The following LRRC32 variants were observed in gnomAD, a reference collection of about 807,000 sequenced individuals.
LRRC32 encodes the protein leucine rich repeat containing 32.
A neutral mutation model predicts 15.0 loss-of-function variants in LRRC32; 5 were observed. The observed-to-expected ratio is 0.33, with a 90% CI of 0.17 to 0.70. The LOEUF (loss-of-function observed/expected upper bound fraction) is 0.70. Ranked by LOEUF, LRRC32 falls within the 30% of genes least tolerant of loss-of-function variation. The pLI, the probability that LRRC32 is intolerant of heterozygous loss-of-function variation, is 0.66. For synonymous variants in LRRC32, 391 were observed against 403.9 expected, an observed-to-expected ratio of 0.97 and a Z score of 0.38; for missense variants, 803 against 854.2, an observed-to-expected ratio of 0.94 and a Z score of 0.75.
intron 2 of LRRC32, 98 bp downstream of exon 2, chr11:76,665,773 G>T: frequency 6.4e-7 from 1 of 1,561,368 alleles, no homozygotes; most frequent in Admixed American, 1.7e-5. Flanking sequence ...TTCCTCTCCT[G>T]ACTCTTCTAA....
chr11:76,661,214 T>C lies in LRRC32; in HGVS notation c.379A>G (p.Thr127Ala), dbSNP rs1307868779. 6.2e-7 allele frequency: 1 copy of C among 1,613,344 alleles called. No individual in the cohort carries two copies. The highest frequency in any genetic ancestry group is 2.2e-5 in the East Asian group (1 of 44,860). Residue 127 changes from threonine (T) to alanine (A), a missense_variant, in exon 3 of 3, where the codon ACC becomes GCC. Transcript: ENST00000260061. ...AGGLGPLPRV[T>A]SLDLSGNSLY... Reference sequence around the variant, plus strand: ...CTGTTCCCAGACAGGTCCAGGGAGGTCACGCGTGGCAGGGGGCCCAGGCCA... The same window carrying C: ...CTGTTCCCAGACAGGTCCAGGGAGGCCACGCGTGGCAGGGGGCCCAGGCCA...
intron 2 of LRRC32, chr11:76,663,139 G>C (rs1393470785): frequency 2.0e-5 from 3 of 152,258 alleles, no homozygotes; most frequent in Non-Finnish European, 2.9e-5. Flanking sequence ...ACAGGGACTG[G>C]TTTGGTGGAT....
chr11:76,658,126 A>G lies in LRRC32; in HGVS notation c.*1478T>C, dbSNP rs1952445041. 6.6e-6 allele frequency: 1 copy of G among 152,398 alleles called. No individual in the cohort carries two copies. Among genetic ancestry groups the G allele is most frequent in the Non-Finnish European group, 1.5e-5 (1 of 68,068 alleles). The allele number at this position is 152,398 out of a possible 1,614,324, so 9.4% of individuals were successfully genotyped here. ...ATTATCTTGTGATGTGATAGCTGAG[A>G]GAGGACATCACTCTGGTCCAACCCC... On this transcript the variant is annotated 3_prime_UTR_variant, in exon 3 of 3. Transcript: ENST00000260061.
rs201131944 is a variant in LRRC32 at position 76,661,252 on chromosome 11, G to A, written c.341C>T (p.Ala114Val). 6.5e-5 allele frequency: 105 copies of A among 1,613,928 alleles called. No individual in the cohort carries two copies. Among genetic ancestry groups the A allele is most frequent in the East Asian group, 4.0e-4 (18 of 44,886 alleles). The change falls in exon 3 of 3, where the codon GCG becomes GTG. Residue 114 changes from alanine to valine, a missense_variant. Coordinates refer to ENST00000260061, the MANE Select transcript of LRRC32 (RefSeq NM_001128922.2). ...GGGGCCCAGGCCACCAGCACTCAGCGCAGTGGCCATCGCCAGCCGGTTGTG... is the reference window on the plus strand; with the variant it reads ...GGGGCCCAGGCCACCAGCACTCAGCACAGTGGCCATCGCCAGCCGGTTGTG... Reference protein sequence around the residue: ...LAHNRLAMATALSAGGLGPLP... With the variant: ...LAHNRLAMATVLSAGGLGPLP...
intron 2 of LRRC32, among the ~76,000 whole-genome samples, chr11:76,664,898 G>A (rs1470809639): frequency 6.6e-6 from 1 of 152,250 alleles, no homozygotes; most frequent in African/African-American, 2.4e-5. Context: ...GGTGGCAACA[G>A]GAGACATTGC....
In LRRC32 at chr11:76,660,139, G is replaced by T; in HGVS notation, c.1454C>A (p.Ala485Asp). 6.2e-7 allele frequency: 1 copy of T among 1,606,336 alleles called. No individual in the cohort carries two copies. The highest frequency in any genetic ancestry group is 1.1e-5 in the South Asian group (1 of 90,126). The change falls in exon 3 of 3, where the codon GCC becomes GAC. Residue 485 changes from alanine to aspartate, a missense_variant. Ala to Asp is a moderately radical substitution (Grantham distance 126). Coordinates refer to ENST00000260061, the MANE Select transcript of LRRC32 (RefSeq NM_001128922.2). ...SNPGLEVATG[A>D]LGGLEASLEV... is the part of the protein sequence containing the mutation. ...CAAGGAGGCCTCCAGGCCTCCCAAG[G>T]CCCCCGTGGCCACCTCCAGCCCAGG...
intron 1 of LRRC32, among the ~76,000 whole-genome samples, chr11:76,669,189 T>C (rs1322319997): frequency 6.6e-6 from 1 of 152,182 alleles, no homozygotes; most frequent in Non-Finnish European, 1.5e-5. Flanking sequence ...GCATCCTCAC[T>C]GTCCTTCCCA....
chr11:76,662,775 C>T (rs924059558), intron 2 of LRRC32: 17 of 152,406 alleles, frequency 1.1e-4, no homozygotes, highest in African/African-American at 4.1e-4. Context: ...AAGCTCTACT[C>T]TGACAATGAG....
At chr11:76,666,958 C>T (rs1295800594) in intron 1 of LRRC32, among the ~76,000 whole-genome samples, 1 of 152,212 alleles carries the variant, frequency 6.6e-6, no homozygotes, top group Non-Finnish European at 1.5e-5. Flanking sequence ...CTTCCAAGAG[C>T]ACCAGGCGCA....
chr11:76,661,236 G>C lies in LRRC32; in HGVS notation c.357C>G (p.Gly119=), dbSNP rs149590197. Residue 119 remains glycine (G), a synonymous_variant, in exon 3 of 3, where the codon GGC becomes GGG. Transcript: ENST00000260061. ...LAMATALSAG[G]LGPLPRVTSL... ...AGGTCACGCGTGGCAGGGGGCCCAG[G>C]CCACCAGCACTCAGCGCAGTGGCCA... 6.2e-7 allele frequency: 1 copy of C among 1,613,914 alleles called. No homozygotes were observed. The highest frequency in any genetic ancestry group is 1.1e-5 in the South Asian group (1 of 91,070).
rs1285173455 is a variant in LRRC32 at position 76,661,470 on chromosome 11, G to C, written c.123C>G (p.Leu41=). 1.2e-6 allele frequency: 2 copies of C among 1,612,466 alleles called. No individual in the cohort carries two copies. Among genetic ancestry groups the C allele is most frequent in the African/African-American group, 2.7e-5 (2 of 74,926 alleles). The part of the protein sequence containing the change: ...KKVSCQVLGL[L]QVPSVLPPDT... The stretch of plus-strand genomic sequence containing the variant: ...CTGGCGGGAGCACCGAGGGGACCTG[G>C]AGCAGGCCCAGAACCTGGCACGAGA... Residue 41 remains leucine (L), a synonymous_variant, in exon 3 of 3, where the codon CTC becomes CTG. Coordinates refer to ENST00000260061, the MANE Select transcript of LRRC32 (RefSeq NM_001128922.2).
Position 76,661,278 on chromosome 11 carries a change from A to T in LRRC32, c.315T>A (p.Ala105=), listed in dbSNP as rs750145283. The T allele has an allele frequency of 6.2e-7, 1 of 1,614,076 alleles. No individual in the cohort carries two copies. Among genetic ancestry groups the T allele is most frequent in the Non-Finnish European group, 8.5e-7 (1 of 1,179,986 alleles). Residue 105 remains alanine, a synonymous_variant, in exon 3 of 3, where the codon GCT becomes GCA. Coordinates refer to ENST00000260061, the MANE Select transcript of LRRC32 (RefSeq NM_001128922.2). ...ALTHLEHLSL[A]HNRLAMATAL... is the part of the protein sequence containing the mutation. ...CAGTGGCCATCGCCAGCCGGTTGTG[A>T]GCCAGGCTGAGGTGCTCCAGGTGGG... is the stretch of plus-strand genomic sequence containing the variant.
rs146651319 is a variant in LRRC32, at chr11:76,664,888, G to T, written c.84+983C>A. 7.9e-5 allele frequency among the ~76,000 whole-genome samples: 12 copies of T among 152,350 alleles called. No individual in the cohort carries two copies. In the East Asian group the frequency reaches 2.1e-3, roughly 27 times the overall value. On this transcript the variant is annotated intron_variant, in intron 2 of 2. Transcript: ENST00000260061. ...AAGGGCTCTGAAGAGCAAGAAAGGT[G>T]GTGGCAACAGGAGACATTGCACCCC...
chr11:76,661,932 G>A (rs1952542784), intron 2 of LRRC32, among the ~76,000 whole-genome samples: 1 of 152,138 alleles, frequency 6.6e-6, no homozygotes, highest in African/African-American at 2.4e-5. Context: ...TATGTCCTAG[G>A]TCCCTTCTAT....
intron 1 of LRRC32, among the ~76,000 whole-genome samples, chr11:76,666,439 G>A (rs951390856): frequency 6.6e-6 from 1 of 152,076 alleles, no homozygotes; most frequent in South Asian, 2.1e-4. Context: ...GCAATTCCTC[G>A]TTTTCTGCCC....
intron 1 of LRRC32, among the ~76,000 whole-genome samples, chr11:76,668,827 C>A (rs1220396294): frequency 6.6e-6 from 1 of 152,184 alleles, no homozygotes; most frequent in Non-Finnish European, 1.5e-5. Flanking sequence ...CCCACTCTAT[C>A]CCCAAGGTGG....
Position 76,665,961 on chromosome 11 carries a change from G to C in LRRC32, c.-4-3C>G, listed in dbSNP as rs549611332. 1.2e-6 allele frequency: 2 copies of C among 1,613,604 alleles called. No individual in the cohort carries two copies. The highest frequency in any genetic ancestry group is 1.7e-6 in the Non-Finnish European group (2 of 1,179,702). On this transcript the variant is annotated splice_polypyrimidine_tract_variant and splice_region_variant and intron_variant, in intron 1 of 2. Coordinates refer to ENST00000260061, the MANE Select transcript of LRRC32 (RefSeq NM_001128922.2). ...GCAGGATCTGGGGTCTCATGGCTCT[G>C]TGTAAGGCGGAGAGGAAAGGGGAAC... is the stretch of plus-strand genomic sequence containing the variant.
At chr11:76,666,451 C>T (rs1403205986) in intron 1 of LRRC32, among the ~76,000 whole-genome samples, 1 of 152,246 alleles carries the variant, frequency 6.6e-6, no homozygotes, top group African/African-American at 2.4e-5. Context: ...TTTCTGCCCA[C>T]TCCCCCACCT....
intron 1 of LRRC32, among the ~76,000 whole-genome samples, chr11:76,667,636 A>G (rs1269994883): frequency 6.6e-6 from 1 of 152,212 alleles, no homozygotes; most frequent in African/African-American, 2.4e-5. Context: ...TTCACAGGAA[A>G]CTTTGTTCTG....
Sources: allele counts gnomAD v4.1 joint callset (sites outside exome capture counted in the v4.1 genomes callset), GRCh38; gene constraint gnomAD v4.1.1; transcripts MANE v1.5; gene names NCBI Gene and HGNC (gene_info 2026-07-23, HGNC 2026-07-21).